FAM227B: variants seen among roughly 807,000 people sequenced by gnomAD.
FAM227B encodes the protein family with sequence similarity 227 member B, also known as protein FAM227B.
Under a neutral mutation model 73.8 loss-of-function variants are expected in FAM227B, and 88 were observed. The observed-to-expected ratio is 1.19, with a 90% CI of 1.00 to 1.42. FAM227B has a LOEUF of 1.42. FAM227B is among the 40% of genes most tolerant of loss of function. The pLI, the probability that FAM227B is intolerant of heterozygous loss-of-function variation, is 0.00. For missense variants in FAM227B, 632 were observed against 590.9 expected (o/e 1.07, Z -0.72); for synonymous variants, 210 against 190.5 (o/e 1.10, Z -0.84).
intron 11 of FAM227B, among the ~76,000 whole-genome samples, chr15:49,477,075 A>AAAT (rs2055406912): frequency 1.3e-5 from 2 of 151,724 alleles, no homozygotes; most frequent in Non-Finnish European, 2.9e-5. Flanking sequence ...AAAAAAAAAA[A>AAAT]TTGAGCAGAT....
chr15:49,479,599 G>GTTTTTTTTTTTTTTTTT (rs56097665), intron 11 of FAM227B, among the ~76,000 whole-genome samples: 7 of 63,320 alleles, frequency 1.1e-4, no homozygotes, highest in African/African-American at 4.4e-4. Flanking sequence ...TAATACCTCT[G>GTTTTTTTTTTTTTTTTT]TTTTTTTTTT....
chr15:49,502,840 T>C (rs2058253826), intron 11 of FAM227B, among the ~76,000 whole-genome samples: 1 of 152,024 alleles, frequency 6.6e-6, no homozygotes, highest in South Asian at 2.1e-4. Flanking sequence ...TGGTGGGAAG[T>C]GGTTGGATCA....
Position 49,478,652 on chromosome 15 carries a change from C to T in FAM227B, c.1012+29559G>A, listed in dbSNP as rs1439215509. 2.6e-5 allele frequency among the ~76,000 whole-genome samples: 4 copies of T among 152,214 alleles called. No homozygotes were observed. The East Asian group carries it at 5.8e-4, about 22-fold the overall frequency. On this transcript the variant is annotated intron_variant, in intron 11 of 15. Transcript: ENST00000299338. ...TTCTGATTGGCTAACCATCAAACCA[C>T]TGCCTCCACTTTTTTTCCAACTTGA...
chr15:49,500,001 T>C (rs1344996398), intron 11 of FAM227B, among the ~76,000 whole-genome samples: 6 of 152,180 alleles, frequency 3.9e-5, no homozygotes, highest in African/African-American at 1.4e-4. Flanking sequence ...ATAAATGGGT[T>C]TCTTCTAATT....
chr15:49,499,829 T>C (rs966071193), intron 11 of FAM227B, among the ~76,000 whole-genome samples: 2 of 152,196 alleles, frequency 1.3e-5, no homozygotes, highest in African/African-American at 4.8e-5. Context: ...TTAATGTTTA[T>C]ACATATAATT....
chr15:49,516,156 TA>T (rs1467981215), intron 10 of FAM227B, among the ~76,000 whole-genome samples: 1 of 152,160 alleles, frequency 6.6e-6, no homozygotes, highest in Admixed American at 6.6e-5. Context: ...TTTTTATTGT[TA>T]TTTTTTACAT....
chr15:49,455,072 A>G (rs1226852622), intron 11 of FAM227B, among the ~76,000 whole-genome samples: 1 of 152,028 alleles, frequency 6.6e-6, no homozygotes, highest in Non-Finnish European at 1.5e-5. Flanking sequence ...AGGATCACCT[A>G]CTTTACTTGT....
chr15:49,366,194 G>T, intron 13 of FAM227B: 1 of 804,966 alleles, frequency 1.2e-6, no homozygotes, highest in Non-Finnish European at 2.3e-6. Flanking sequence ...GTTAGGCCAC[G>T]ATGGAGAACA....
chr15:49,579,065 C>T (rs1032706603), intron 5 of FAM227B, among the ~76,000 whole-genome samples: 1 of 152,126 alleles, frequency 6.6e-6, no homozygotes, highest in Non-Finnish European at 1.5e-5. Flanking sequence ...AAACGTTCAA[C>T]ATCACAAATC....
chr15:49,371,593 C>T (rs952382784), intron 11 of FAM227B, among the ~76,000 whole-genome samples, 194 bp from the exon 12 acceptor site: 1 of 151,136 alleles, frequency 6.6e-6, no homozygotes, highest in Non-Finnish European at 1.5e-5. Context: ...CTCAATAGGG[C>T]TTTATTATTA....
chr15:49,494,727 G>A (rs2152069786), intron 11 of FAM227B, among the ~76,000 whole-genome samples: 1 of 152,210 alleles, frequency 6.6e-6, no homozygotes, highest in Middle Eastern at 3.4e-3. Context: ...AGTTCCATAA[G>A]GAAAAGGATA....
chr15:49,616,835 C>A (rs569787370), intron 1 of FAM227B, among the ~76,000 whole-genome samples: 1 of 151,998 alleles, frequency 6.6e-6, no homozygotes, highest in Admixed American at 6.5e-5. Flanking sequence ...TTCTTAATAT[C>A]CTCCTATTAT....
At chr15:49,339,124 A>G (rs2040274732) in intron 13 of FAM227B, among the ~76,000 whole-genome samples, 2 of 152,078 alleles carry the variant, frequency 1.3e-5, no homozygotes, top group South Asian at 4.1e-4. Context: ...TCTGAAGCCT[A>G]CTTCTGTCAG....
rs149124508 is a variant in FAM227B, at chr15:49,539,177, T to C, written c.874+2503A>G. ...CTTGGTGAGCATGCAACAGCTTACA[T>C]TCCCCATGCAGCTCTGTCAGATGAG... On this transcript the variant is annotated intron_variant, in intron 10 of 15. Transcript: ENST00000299338. Among the ~76,000 whole-genome samples, 309 of 152,238 alleles carry C rather than the reference T, an allele frequency of 2.0e-3. 2 individuals are homozygous for C. The highest frequency in any genetic ancestry group is 7.1e-3 in the African/African-American group (297 of 41,558).
At chr15:49,599,254 A>G (rs1164447413) in intron 3 of FAM227B, among the ~76,000 whole-genome samples, 1 of 151,952 alleles carries the variant, frequency 6.6e-6, no homozygotes, top group African/African-American at 2.4e-5. Context: ...AGCCTACTAT[A>G]ATTATTTATA....
chr15:49,405,426 A>C (rs986642479), intron 11 of FAM227B, among the ~76,000 whole-genome samples: 3 of 152,124 alleles, frequency 2.0e-5, no homozygotes, highest in African/African-American at 7.2e-5. Flanking sequence ...ATAATCCCAT[A>C]TTTCTCAGAG....
chr15:49,555,396 G>T (rs1162194459), intron 9 of FAM227B, among the ~76,000 whole-genome samples: 2 of 152,206 alleles, frequency 1.3e-5, no homozygotes, highest in Non-Finnish European at 2.9e-5. Context: ...CTTCTGGGTT[G>T]TAGGGCTTTT....
intron 13 of FAM227B, among the ~76,000 whole-genome samples, chr15:49,363,783 G>A (rs895949885): frequency 2.2e-4 from 34 of 152,086 alleles, no homozygotes; most frequent in African/African-American, 8.0e-4. Flanking sequence ...TTTGAAGTAT[G>A]TTCCTTCAAT....
At chr15:49,388,829 C>T (rs957019726) in intron 11 of FAM227B, among the ~76,000 whole-genome samples, 4 of 151,690 alleles carry the variant, frequency 2.6e-5, no homozygotes, top group Admixed American at 1.3e-4. Flanking sequence ...GGGCAAAGGA[C>T]ATGAATAGAC....
Sources: allele counts gnomAD v4.1 joint callset (sites outside exome capture counted in the v4.1 genomes callset), GRCh38; gene constraint gnomAD v4.1.1; transcripts MANE v1.5; gene names NCBI Gene and HGNC (gene_info 2026-07-23, HGNC 2026-07-21).